PHKB: variants seen among roughly 807,000 people sequenced by gnomAD.
PHKB encodes the protein phosphorylase kinase regulatory subunit beta, also known as phosphorylase b kinase regulatory subunit beta.
In PHKB, 122 loss-of-function variants were observed where a neutral mutation model predicts 152.1. The ratio of observed to expected loss-of-function variants is 0.80; its 90% CI spans 0.69 to 0.93. The LOEUF is 0.93. PHKB is among the 40% of genes least tolerant of loss of function. The pLI is 0.00. For synonymous variants in PHKB, 436 were observed against 464.9 expected, an observed-to-expected ratio of 0.94 and a Z score of 0.80; for missense variants, 1,304 against 1,328.4, an observed-to-expected ratio of 0.98 and a Z score of 0.29.
intron 1 of PHKB, among the ~76,000 whole-genome samples, chr16:47,491,876 G>C (rs940576718): frequency 1.1e-4 from 16 of 152,158 alleles, no homozygotes; most frequent in Non-Finnish European, 1.9e-4. Flanking sequence ...GGAGTCCCAG[G>C]CTGTTGGAGC....
chr16:47,654,051 C>A (rs1049610176), intron 20 of PHKB, among the ~76,000 whole-genome samples: 1 of 152,156 alleles, frequency 6.6e-6, no homozygotes, highest in Non-Finnish European at 1.5e-5. Flanking sequence ...ATAACATTAT[C>A]CAGAACCTCA....
intron 23 of PHKB, 104 bp downstream of exon 23, chr16:47,661,904 C>A (rs1973451884): frequency 1.2e-6 from 1 of 807,886 alleles, no homozygotes; most frequent in East Asian, 2.5e-5. Context: ...AGTTATTTCC[C>A]CTTTCATTAA....
chr16:47,643,266 T>G (rs895456939), intron 16 of PHKB, among the ~76,000 whole-genome samples: 4 of 152,214 alleles, frequency 2.6e-5, no homozygotes, highest in African/African-American at 9.7e-5. Flanking sequence ...GACACTCATA[T>G]GAAATGACTT....
At chr16:47,641,240 T>G in intron 15 of PHKB, 150 bp downstream of exon 15, 2 of 718,182 alleles carry the variant, frequency 2.8e-6, no homozygotes, top group Non-Finnish European at 5.0e-6. Context: ...AATATCACTT[T>G]AAATGACCAG....
chr16:47,618,132 A>G (rs904828635), intron 14 of PHKB, among the ~76,000 whole-genome samples: 12 of 152,150 alleles, frequency 7.9e-5, no homozygotes, highest in African/African-American at 2.9e-4. Flanking sequence ...CACTTTGGTG[A>G]TACTCTAAGT....
intron 14 of PHKB, among the ~76,000 whole-genome samples, chr16:47,617,513 T>C (rs376803415): frequency 1.3e-5 from 2 of 152,114 alleles, no homozygotes; most frequent in African/African-American, 4.8e-5. Flanking sequence ...CCTATTCTAG[T>C]TACCTCATAT....
intron 3 of PHKB, 115 bp downstream of exon 3, chr16:47,500,009 A>T: frequency 8.7e-7 from 1 of 1,146,566 alleles, no homozygotes; most frequent in Non-Finnish European, 1.3e-6. Flanking sequence ...TGTGCGACCT[A>T]TGACTGCTCA....
chr16:47,631,896 G>T (rs1031966814), intron 14 of PHKB, among the ~76,000 whole-genome samples: 1 of 152,100 alleles, frequency 6.6e-6, no homozygotes, highest in Non-Finnish European at 1.5e-5. Context: ...CATTTGGGTT[G>T]GTTGCTATTG....
At chr16:47,552,941 A>G (rs1971300125) in intron 7 of PHKB, among the ~76,000 whole-genome samples, 1 of 152,134 alleles carries the variant, frequency 6.6e-6, no homozygotes, top group Admixed American at 6.5e-5. Flanking sequence ...GGGTAACCCA[A>G]CCTTTCTCTC....
chr16:47,568,921 G>T (rs190603471), intron 7 of PHKB, among the ~76,000 whole-genome samples: 1 of 152,252 alleles, frequency 6.6e-6, no homozygotes, highest in Admixed American at 6.5e-5. Flanking sequence ...AATTTATTGC[G>T]ATTTGTGTTG....
chr16:47,465,976 G>A (rs188891118), intron 1 of PHKB, among the ~76,000 whole-genome samples: 305 of 152,262 alleles, frequency 2.0e-3, no homozygotes, highest in Non-Finnish European at 3.5e-3. Context: ...GTAGTATCTT[G>A]ATTTTGAAAA....
intron 15 of PHKB, 32 bp downstream of exon 15, chr16:47,641,122 T>G: frequency 6.4e-7 from 1 of 1,566,442 alleles, no homozygotes; most frequent in Non-Finnish European, 8.8e-7. Context: ...TGTGTTTTTT[T>G]GTGGGGAGGG....
chr16:47,618,835 T>G, intron 14 of PHKB, among the ~76,000 whole-genome samples: 1 of 152,206 alleles, frequency 6.6e-6, no homozygotes, highest in African/African-American at 2.4e-5. Flanking sequence ...GCTGTGCCAT[T>G]AAGACTGATT....
chr16:47,674,536 A>G (rs1335035968), intron 26 of PHKB, among the ~76,000 whole-genome samples: 1 of 152,208 alleles, frequency 6.6e-6, no homozygotes, highest in Admixed American at 6.5e-5. Context: ...TGTTAACCAC[A>G]CAAAAAAAGC....
At chr16:47,512,558 T>C (rs1970528038) in intron 5 of PHKB, among the ~76,000 whole-genome samples, 1 of 152,186 alleles carries the variant, frequency 6.6e-6, no homozygotes, top group Admixed American at 6.5e-5. Context: ...GCTAAAAACA[T>C]GCCACTGAAA....
intron 1 of PHKB, 114 bp downstream of exon 1, chr16:47,461,540 C>T (rs1285277515): frequency 3.7e-6 from 4 of 1,073,906 alleles, no homozygotes; most frequent in Non-Finnish European, 4.2e-6. Context: ...GCCCCGAGTT[C>T]CTCCTTAGAA....
rs1453389894 is a variant in PHKB, at chr16:47,650,961, A to G, written c.1971+40A>G. ...TTCAGTATGCATCTATTTTCAGGAC[A>G]GTTAATCTACAATACAGCTATGTTT... On this transcript the variant is annotated intron_variant, in intron 20 of 30. Transcript: ENST00000323584. 3.7e-6 allele frequency: 5 copies of G among 1,337,352 alleles called. 1 individual carries two copies. Among genetic ancestry groups the G allele is most frequent in the Non-Finnish European group, 1.1e-6 (1 of 927,170 alleles). The allele number at this position is 1,337,352 out of a possible 1,614,324, so 82.8% of individuals were successfully genotyped here. A position where few individuals can be genotyped will look rare whatever the true frequency, so the allele number is the denominator to read the frequency against.
intron 26 of PHKB, among the ~76,000 whole-genome samples, chr16:47,685,388 G>A (rs1973945832): frequency 6.6e-6 from 1 of 152,106 alleles, no homozygotes; most frequent in African/African-American, 2.4e-5. Context: ...TCACGCCATT[G>A]CACTCCAGCC....
chr16:47,618,986 C>T (rs1048816890), intron 14 of PHKB: 4 of 152,080 alleles, frequency 2.6e-5, no homozygotes, highest in African/African-American at 9.7e-5. Flanking sequence ...TTTGACAGGA[C>T]CAGAGAATAG....
Sources: allele counts gnomAD v4.1 joint callset (sites outside exome capture counted in the v4.1 genomes callset), GRCh38; gene constraint gnomAD v4.1.1; transcripts MANE v1.5; gene names NCBI Gene and HGNC (gene_info 2026-07-23, HGNC 2026-07-21).